The following DMD variants were observed in gnomAD, a reference collection of about 807,000 sequenced individuals.
The protein encoded by DMD is mutant dystrophin.
DMD carries 63 observed loss-of-function variants against 330.1 expected under a neutral mutation model. The observed-to-expected ratio is 0.19, with a 90% CI of 0.16 to 0.24. The LOEUF is 0.24. DMD is among the 10% of genes least tolerant of loss of function. DMD has a pLI of 1.00. For missense variants in DMD, 3,344 were observed against 2,684.1 expected (o/e 1.25, Z -5.43); for synonymous variants, 1,223 against 959.8 (o/e 1.27, Z -5.07).
chrX:32,927,819 T>TC (rs2089204812), intron 2 of DMD, among the ~76,000 whole-genome samples: 1 of 110,975 alleles, frequency 9.0e-6, no homozygotes, highest in African/African-American at 3.3e-5. Flanking sequence ...CAAGGTAGCA[T>TC]GGTGCACACA....
chrX:33,112,084 G>A (rs1434553521), intron 1 of DMD, among the ~76,000 whole-genome samples: 2 of 110,396 alleles, frequency 1.8e-5, no homozygotes, highest in Admixed American at 9.8e-5. Context: ...TCTTATCCAT[G>A]GTTTTGGTTA....
intron 55 of DMD, among the ~76,000 whole-genome samples, chrX:31,556,055 T>G (rs186830172): frequency 9.1e-6 from 1 of 110,246 alleles, no homozygotes; most frequent in Non-Finnish European, 1.9e-5. Context: ...AGATTTATGA[T>G]AGGTGAAGTT....
chrX:31,499,925 A>G (rs1264350888), intron 56 of DMD, among the ~76,000 whole-genome samples: 2 of 112,270 alleles, frequency 1.8e-5, no homozygotes, highest in African/African-American at 3.2e-5. Context: ...TCAAAAGACG[A>G]AAAGCTCTCA....
At chrX:32,709,209 G>GA (rs1161791522) in intron 7 of DMD, among the ~76,000 whole-genome samples, 65 of 111,292 alleles carry the variant, frequency 5.8e-4, no homozygotes, top group Middle Eastern at 9.3e-3. Flanking sequence ...TTTCCAATGT[G>GA]AAAAAAATGC....
intron 2 of DMD, among the ~76,000 whole-genome samples, chrX:32,860,995 A>T (rs767591323): frequency 8.9e-6 from 1 of 112,152 alleles, no homozygotes; most frequent in Admixed American, 9.5e-5. Context: ...ACACGGGGGA[A>T]TGGTATGATG....
At chrX:31,411,439 C>T (rs2061640569) in intron 60 of DMD, among the ~76,000 whole-genome samples, 1 of 111,710 alleles carries the variant, frequency 9.0e-6, no homozygotes, top group South Asian at 3.8e-4. Context: ...AAAAAGTGTT[C>T]CTTTAAGAAA....
intron 7 of DMD, among the ~76,000 whole-genome samples, chrX:32,770,321 G>A (rs2073467263): frequency 9.0e-6 from 1 of 111,330 alleles, no homozygotes; most frequent in South Asian, 3.8e-4. Context: ...CAGTTTTGGG[G>A]GATCATCCAG....
chrX:31,265,380 G>T (rs983988320), intron 62 of DMD, among the ~76,000 whole-genome samples: 1 of 111,352 alleles, frequency 9.0e-6, no homozygotes, highest in African/African-American at 3.3e-5. Context: ...GGAGGGGTGG[G>T]CATCAATATA....
chrX:33,317,350 C>A (rs2053946802), intron 1 of DMD, among the ~76,000 whole-genome samples: 2 of 111,459 alleles, frequency 1.8e-5, no homozygotes, highest in Non-Finnish European at 3.8e-5. Context: ...ATATATAAAA[C>A]CTTTTCATGC....
chrX:33,119,425 A>G (rs2095409998), intron 1 of DMD, among the ~76,000 whole-genome samples: 1 of 112,326 alleles, frequency 8.9e-6, no homozygotes. Context: ...CCATTAGTTT[A>G]TTCCGCAAAT....
chrX:31,950,155 A>G (rs1259240579), intron 45 of DMD, among the ~76,000 whole-genome samples: 1 of 111,394 alleles, frequency 9.0e-6, no homozygotes, highest in Non-Finnish European at 1.9e-5. Context: ...CCCTGTAAGC[A>G]CTGCTTTAGT....
Position 31,831,612 on chromosome X carries a change from T to C in DMD, c.7200+5106A>G, listed in dbSNP as rs2093031476. 4.5e-5 allele frequency among the ~76,000 whole-genome samples: 5 copies of C among 111,713 alleles called. No individual in the cohort carries two copies. In the South Asian group the frequency reaches 1.9e-3, roughly 42 times the overall value. On this transcript the variant is annotated intron_variant, in intron 49 of 78. Transcript: ENST00000357033. ...AAGCAAACTTGTATTTATTTATTTA[T>C]TTATGAGATGGAGTCTCACTCTGTC...
chrX:32,680,230 A>T (rs2062303204), intron 9 of DMD, among the ~76,000 whole-genome samples: 1 of 111,026 alleles, frequency 9.0e-6, no homozygotes. Flanking sequence ...TGTACTCTTA[A>T]AAAACTAAGC....
intron 52 of DMD, among the ~76,000 whole-genome samples, chrX:31,693,377 C>T (rs1326362638): frequency 1.8e-5 from 2 of 111,387 alleles, no homozygotes; most frequent in African/African-American, 6.5e-5. Flanking sequence ...ACAAAGATGC[C>T]CACTCTCCCC....
At chrX:32,231,976 G>C (rs1023089518) in intron 43 of DMD, among the ~76,000 whole-genome samples, 2 of 111,532 alleles carry the variant, frequency 1.8e-5, no homozygotes, top group African/African-American at 6.5e-5. Context: ...TGATTTGTGT[G>C]TGTTTGCAAC....
At chrX:32,858,977 A>C (rs2081838023) in intron 2 of DMD, among the ~76,000 whole-genome samples, 1 of 111,462 alleles carries the variant, frequency 9.0e-6, no homozygotes, top group Non-Finnish European at 1.9e-5. Flanking sequence ...AGCCTTTCTG[A>C]GGCACAATTT....
At chrX:32,472,041 G>T (rs993503376) in intron 22 of DMD, 123 bp downstream of exon 22, 31 of 864,482 alleles carry the variant, frequency 3.6e-5, no homozygotes, top group Non-Finnish European at 3.7e-5. Flanking sequence ...ATTTTCATTT[G>T]CTCAATGGGC....
chrX:31,405,721 C>T (rs2704909), intron 60 of DMD, among the ~76,000 whole-genome samples: 40,152 of 110,409 alleles, frequency 0.36, 6,232 homozygotes, highest in African/African-American at 0.61. Flanking sequence ...TCAATTTCCA[C>T]TTATGGATGT....
intron 45 of DMD, among the ~76,000 whole-genome samples, chrX:31,939,460 G>A (rs1035904414): frequency 1.1e-4 from 12 of 112,012 alleles, no homozygotes; most frequent in African/African-American, 3.6e-4. Context: ...TTAGCAATGC[G>A]AATATCTGTA....
Sources: allele counts gnomAD v4.1 joint callset (sites outside exome capture counted in the v4.1 genomes callset), GRCh38; gene constraint gnomAD v4.1.1; transcripts MANE v1.5; gene names NCBI Gene and HGNC (gene_info 2026-07-23, HGNC 2026-07-21).